The following HKDC1 variants were observed in gnomAD, a reference collection of about 807,000 sequenced individuals.
The protein encoded by HKDC1 is hexokinase HKDC1.
A neutral mutation model predicts 96.6 loss-of-function variants in HKDC1; 66 were observed. The ratio of observed to expected loss-of-function variants is 0.68; its 90% CI spans 0.56 to 0.84. The LOEUF (loss-of-function observed/expected upper bound fraction) is 0.84. HKDC1 is among the 40% of genes least tolerant of loss of function. HKDC1 has a pLI of 0.00. For synonymous variants in HKDC1, 466 were observed against 473.1 expected (o/e 0.98, Z 0.20); for missense variants, 1,211 against 1,208.1 (o/e 1.00, Z -0.04).
chr10:69,261,008 A>T (rs1843797708), intron 15 of HKDC1, 131 bp from the exon 16 acceptor site: 1 of 731,446 alleles, frequency 1.4e-6, no homozygotes, highest in Admixed American at 2.4e-5. Context: ...TGCTCACATC[A>T]AGCAGCTAGT....
At chr10:69,235,551 A>G (rs1843348070) in intron 4 of HKDC1, among the ~76,000 whole-genome samples, 1 of 151,242 alleles carries the variant, frequency 6.6e-6, no homozygotes, top group South Asian at 2.1e-4. Context: ...GTAGATGTGT[A>G]TGTCAGGGGG....
chr10:69,256,490 T>C (rs1843717940), intron 12 of HKDC1, among the ~76,000 whole-genome samples: 1 of 152,192 alleles, frequency 6.6e-6, no homozygotes, highest in African/African-American at 2.4e-5. Context: ...GCGGATCACC[T>C]GAGGCCAGAG....
At chr10:69,262,141 G>C (rs1283311691) in intron 16 of HKDC1, 1 of 392,458 alleles carries the variant, frequency 2.5e-6, no homozygotes, top group Non-Finnish European at 5.1e-6. Context: ...GCAGTTATTA[G>C]CTGGAATACT....
At chr10:69,253,281 G>T (rs929026837) in intron 12 of HKDC1, among the ~76,000 whole-genome samples, 6 of 152,144 alleles carry the variant, frequency 3.9e-5, no homozygotes, top group African/African-American at 1.4e-4. Flanking sequence ...CTTTGCATGA[G>T]GCTGGGGCAG....
intron 6 of HKDC1, 120 bp from the exon 7 acceptor site, chr10:69,243,062 C>T: frequency 1.0e-6 from 1 of 985,708 alleles, no homozygotes; most frequent in East Asian, 2.5e-5. Flanking sequence ...AGAGCCAGCC[C>T]CCAGGGAATG....
At chr10:69,237,964 C>T (rs1051010085) in intron 4 of HKDC1, among the ~76,000 whole-genome samples, 12 of 152,218 alleles carry the variant, frequency 7.9e-5, no homozygotes, top group African/African-American at 2.9e-4. Flanking sequence ...CTGCTCTTGA[C>T]TGAGACGACT....
At position 69,231,445 on chromosome 10, in the gene HKDC1, T is replaced by C. The variant is rs542363893; in HGVS notation, c.227-1319T>C. Among the ~76,000 whole-genome samples, 308 of 152,226 alleles carry C rather than the reference T, an allele frequency of 2.0e-3. 1 individual carries two copies. Among genetic ancestry groups the C allele is most frequent in the Middle Eastern group, 3.4e-3 (1 of 294 alleles). ...CAAAAGCACACTCACTCTTAGCGGATGCTTTCTCATTCCTTTGCCCGTGGT... is the reference window on the plus strand; with the variant it reads ...CAAAAGCACACTCACTCTTAGCGGACGCTTTCTCATTCCTTTGCCCGTGGT... On this transcript the variant is annotated intron_variant, in intron 2 of 17. Transcript: ENST00000354624.
chr10:69,243,476 C>T, intron 7 of HKDC1, 111 bp downstream of exon 7: 2 of 780,678 alleles, frequency 2.6e-6, no homozygotes, highest in Non-Finnish European at 1.9e-6. Flanking sequence ...TCCATCACAA[C>T]TTTCTTTCTT....
At chr10:69,254,440 C>T (rs1843690437) in intron 12 of HKDC1, among the ~76,000 whole-genome samples, 1 of 152,178 alleles carries the variant, frequency 6.6e-6, no homozygotes, top group African/African-American at 2.4e-5. Context: ...GTGCAGCCAT[C>T]ACCACCATCC....
At chr10:69,224,286 T>TA (rs1329247513) in intron 1 of HKDC1, among the ~76,000 whole-genome samples, 1 of 152,018 alleles carries the variant, frequency 6.6e-6, no homozygotes, top group Non-Finnish European at 1.5e-5. Context: ...TTTATTTATT[T>TA]TTTATTATTA....
intron 4 of HKDC1, among the ~76,000 whole-genome samples, chr10:69,236,233 C>T (rs1048551031): frequency 2.0e-5 from 3 of 151,360 alleles, no homozygotes; most frequent in South Asian, 2.1e-4. Context: ...CTCAGCCTCC[C>T]GAATGGTGGT....
chr10:69,239,766 CTTTTTTTTT>C (rs33937984), intron 5 of HKDC1, among the ~76,000 whole-genome samples: 1 of 126,646 alleles, frequency 7.9e-6, no homozygotes, highest in African/African-American at 3.0e-5. Context: ...TTTCATTTTA[CTTTTTTTTT>C]TTTTTTTTTA....
intron 4 of HKDC1, among the ~76,000 whole-genome samples, chr10:69,236,570 C>T (rs1229873211): frequency 6.6e-6 from 1 of 151,662 alleles, no homozygotes; most frequent in African/African-American, 2.4e-5. Context: ...CACCTGAGGT[C>T]GGGAGTTCGA....
chr10:69,247,331 T>A, intron 8 of HKDC1, 29 bp from the exon 9 acceptor site: 4 of 1,480,684 alleles, frequency 2.7e-6, no homozygotes, highest in Non-Finnish European at 2.8e-6. Flanking sequence ...TGGAGAAGTG[T>A]CGTTCACTCA....
intron 6 of HKDC1, among the ~76,000 whole-genome samples, chr10:69,242,282 A>AT (rs1481556342): frequency 7.6e-6 from 1 of 131,558 alleles, no homozygotes; most frequent in Non-Finnish European, 1.8e-5. Context: ...GTAACCACAG[A>AT]TTGGGGGGGC....
At chr10:69,229,859 G>A (rs569839423) in intron 2 of HKDC1, among the ~76,000 whole-genome samples, 1 of 152,214 alleles carries the variant, frequency 6.6e-6, no homozygotes, top group African/African-American at 2.4e-5. Context: ...GGTAAATCCC[G>A]GCACCATACA....
chr10:69,255,649 G>A (rs369931290), intron 12 of HKDC1, among the ~76,000 whole-genome samples: 5 of 152,154 alleles, frequency 3.3e-5, no homozygotes, highest in South Asian at 4.1e-4. Flanking sequence ...GGGCACATCG[G>A]CTCACCCCTG....
At position 69,258,833 on chromosome 10, in the gene HKDC1, G is replaced by T. The variant is rs151179698; in HGVS notation, c.2090G>T (p.Gly697Val). The change falls in exon 15 of 18, where the codon GGG becomes GTG. Residue 697 changes from glycine (G) to valine (V), a missense_variant. Physicochemically the swap from Gly to Val is moderately radical, Grantham distance 109. Transcript: ENST00000354624. The part of the protein sequence containing the change: ...EDMRNIEMVE[G>V]GEGKMCINTE... ...ATGAGGAACATCGAGATGGTGGAGG[G>T]GGGTGAAGGGAAGATGTGCATCAAT... is the stretch of plus-strand genomic sequence containing the variant. 13 of 1,614,102 alleles carry T rather than the reference G, an allele frequency of 8.1e-6. No individual in the cohort carries two copies. The East Asian group carries it at 1.3e-4, about 17-fold the overall frequency.
intron 12 of HKDC1, among the ~76,000 whole-genome samples, chr10:69,251,155 C>T (rs916603382): frequency 7.6e-6 from 1 of 131,960 alleles, no homozygotes; most frequent in Non-Finnish European, 1.5e-5. Flanking sequence ...AGTGCAAGGG[C>T]GTGATCTCGG....
Sources: gnomAD v4.1 joint callset for allele counts (sites outside exome capture counted in the v4.1 genomes callset) on GRCh38, gnomAD v4.1.1 for gene constraint, MANE v1.5 for transcripts, NCBI Gene and HGNC (gene_info 2026-07-23, HGNC 2026-07-21) for gene names.